Variants in COL10A1 observed in about 807,000 individuals in gnomAD.
COL10A1 encodes collagen type X alpha 1 chain, also known as collagen alpha-1(X) chain.
Under a neutral mutation model 18.2 loss-of-function variants are expected in COL10A1, and 10 were observed. The observed-to-expected ratio is 0.55, with a 90% CI of 0.34 to 0.93. The LOEUF is 0.93. COL10A1 is among the 40% of genes least tolerant of loss of function. COL10A1 has a pLI of 0.02. For missense variants in COL10A1, 897 were observed against 853.5 expected (o/e 1.05, Z -0.64); for synonymous variants, 330 against 316.6 (o/e 1.04, Z -0.45).
intron 1 of COL10A1, among the ~76,000 whole-genome samples, chr6:116,131,909 A>C (rs189535543): frequency 1.6e-4 from 24 of 152,204 alleles, no homozygotes; most frequent in African/African-American, 5.8e-4. Flanking sequence ...CCTACTTATA[A>C]GTGAGAACAT....
chr6:116,194,830 A>G, the COL10A1 span, among the ~76,000 whole-genome samples: 3 of 152,032 alleles, frequency 2.0e-5, no homozygotes, highest in African/African-American at 4.8e-5. Flanking sequence ...ATTCTTTTCT[A>G]TTATAAGACA....
chr6:116,182,222 A>AGAGTGTGTGTGTGTGTGTGT, the COL10A1 span, among the ~76,000 whole-genome samples: 600 of 124,660 alleles, frequency 4.8e-3, 6 homozygotes, highest in South Asian at 0.013. Flanking sequence ...TTCCATGGAG[A>AGAGTGTGTGTGTGTGTGTGT]GTGTGTGTGT....
Position 116,120,144 on chromosome 6 carries a change from C to T in COL10A1, c.1972G>A (p.Glu658Lys), listed in dbSNP as rs774206116. 17 of 1,613,926 alleles carry T rather than the reference C, an allele frequency of 1.1e-5. No homozygotes were observed. Among genetic ancestry groups the T allele is most frequent in the African/African-American group, 6.7e-5 (5 of 74,880 alleles). Residue 658 changes from glutamate (E) to lysine (K), a missense_variant, in exon 3 of 3, where the codon GAG (glutamate) becomes AAG (lysine). By Grantham distance (56) the Glu-to-Lys change is moderately conservative (BLOSUM62 1). Coordinates refer to ENST00000651968, the MANE Select transcript of COL10A1 (RefSeq NM_000493.4). ...TCAGAGGAGTATAGGCCATTTGACT[C>T]GGCATTGGGAAGCTGGAGCCACACC... is the stretch of plus-strand genomic sequence containing the variant. ...DQVWLQLPNA[E>K]SNGLYSSEYV...
At chr6:116,197,914 C>T in the COL10A1 span, among the ~76,000 whole-genome samples, 4 of 152,030 alleles carry the variant, frequency 2.6e-5, no homozygotes, top group Non-Finnish European at 5.9e-5. Context: ...AGGAGCTCCA[C>T]AAATAGCTTC....
At chr6:116,129,666 G>A (rs939113504), upstream of COL10A1, among the ~76,000 whole-genome samples, 2 of 152,134 alleles carry the variant, frequency 1.3e-5, no homozygotes, top group Non-Finnish European at 2.9e-5. Context: ...ACTGTGTGCC[G>A]AATAAAGCTC....
At chr6:116,164,610 C>G in the COL10A1 span, among the ~76,000 whole-genome samples, 1 of 152,048 alleles carries the variant, frequency 6.6e-6, no homozygotes, top group Non-Finnish European at 1.5e-5. Flanking sequence ...TGTTCCTTGC[C>G]TAATATTGTT....
chr6:116,156,796 G>A (rs1439049718), intron 1 of COL10A1, among the ~76,000 whole-genome samples: 1 of 152,152 alleles, frequency 6.6e-6, no homozygotes, highest in East Asian at 1.9e-4. Flanking sequence ...GAAGAAAGTA[G>A]AGATCAGATA....
the COL10A1 span, among the ~76,000 whole-genome samples, chr6:116,202,582 C>T: frequency 5.3e-5 from 8 of 152,020 alleles, no homozygotes; most frequent in Non-Finnish European, 8.8e-5. Flanking sequence ...TAATTTGATG[C>T]CTGCAAAGTT....
upstream of COL10A1, among the ~76,000 whole-genome samples, chr6:116,130,482 T>C (rs932432579): frequency 2.0e-5 from 3 of 152,056 alleles, no homozygotes; most frequent in African/African-American, 7.2e-5. Flanking sequence ...TCTAATGTTT[T>C]GTACCTTTCG....
rs759663795 is a variant in COL10A1 at position 116,121,859 on chromosome 6, C to A, written c.257G>T (p.Gly86Val). Residue 86 changes from glycine to valine, a missense_variant, in exon 3 of 3, where the codon GGA becomes GTA. By Grantham distance (109) the Gly-to-Val change is moderately radical (BLOSUM62 -3). Coordinates refer to ENST00000651968, the MANE Select transcript of COL10A1 (RefSeq NM_000493.4). ...PSGPPGKPGY[G>V]SPGLQGEPGL... The stretch of plus-strand genomic sequence containing the variant: ...TGGCTCTCCTTGGAGTCCAGGACTT[C>A]CGTAGCCTGGTTTTCCTGGTGGTCC... 7.4e-6 allele frequency: 12 copies of A among 1,614,032 alleles called. No homozygotes were observed. The South Asian group carries it at 1.3e-4, about 18-fold the overall frequency.
chr6:116,150,847 A>G (rs1169196830), intron 1 of COL10A1, among the ~76,000 whole-genome samples: 2 of 152,188 alleles, frequency 1.3e-5, no homozygotes, highest in African/African-American at 4.8e-5. Flanking sequence ...GAATTTGAGA[A>G]TGTCACATCA....
chr6:116,189,122 G>A, the COL10A1 span, among the ~76,000 whole-genome samples: 1 of 151,790 alleles, frequency 6.6e-6, no homozygotes, highest in Non-Finnish European at 1.5e-5. Flanking sequence ...GTTGAAATGA[G>A]ATGTTTAGTA....
chr6:116,197,518 G>A, the COL10A1 span, among the ~76,000 whole-genome samples: 1 of 152,006 alleles, frequency 6.6e-6, no homozygotes, highest in East Asian at 1.9e-4. Flanking sequence ...AGAACAAACA[G>A]CCAGGTACAG....
chr6:116,201,383 T>A, the COL10A1 span, among the ~76,000 whole-genome samples: 1 of 152,130 alleles, frequency 6.6e-6, no homozygotes, highest in South Asian at 2.1e-4. Flanking sequence ...TATTTGAACA[T>A]AGTTTGTTAC....
chr6:116,124,106 T>A (rs914169406), intron 2 of COL10A1, among the ~76,000 whole-genome samples: 1 of 152,260 alleles, frequency 6.6e-6, no homozygotes, highest in Non-Finnish European at 1.5e-5. Flanking sequence ...AAGTATCTGT[T>A]GTATACCTGT....
the COL10A1 span, among the ~76,000 whole-genome samples, chr6:116,214,827 A>G: frequency 2.0e-4 from 31 of 152,212 alleles, 1 homozygote; most frequent in East Asian, 2.7e-3. Context: ...TAATAAAAAA[A>G]AAAAGAGTTA....
the COL10A1 span, among the ~76,000 whole-genome samples, chr6:116,167,986 A>G: frequency 5.9e-5 from 9 of 151,972 alleles, no homozygotes; most frequent in Non-Finnish European, 7.4e-5. Flanking sequence ...TTCAGTTATC[A>G]GTATAATTGT....
rs906125772 is a variant in COL10A1 at position 116,121,376 on chromosome 6, C to A, written c.740G>T (p.Gly247Val). The A allele has an allele frequency of 6.2e-7, 1 of 1,614,108 alleles. No individual in the cohort carries two copies. Among genetic ancestry groups the A allele is most frequent in the Non-Finnish European group, 8.5e-7 (1 of 1,179,996 alleles). The change falls in exon 3 of 3, where the codon GGC becomes GTC. Residue 247 changes from glycine (G) to valine (V), a missense_variant. Coordinates refer to ENST00000651968, the MANE Select transcript of COL10A1 (RefSeq NM_000493.4). Reference sequence around the variant, plus strand: ...AGGAGGGCCTTGGGGACCTGGTGGGCCAATTGGTCCCATTTCTCCCGGAAA... The same window carrying A: ...AGGAGGGCCTTGGGGACCTGGTGGGACAATTGGTCCCATTTCTCCCGGAAA... The part of the protein sequence containing the change: ...RGFPGEMGPI[G>V]PPGPQGPPGE...
In COL10A1 at chr6:116,120,064, T is replaced by TGG. The variant is rs200192272; in HGVS notation, c.*8_*9insCC. On this transcript the variant is annotated 3_prime_UTR_variant, in exon 3 of 3. Transcript: ENST00000651968. ...TCTAGCACAAGATTTAGATTAGCTC[T>TGG]GTGTGTACTCACATTGGAGCCACTA... 1.9e-6 allele frequency: 2 copies of TGG among 1,041,940 alleles called. No individual in the cohort carries two copies. The highest frequency in any genetic ancestry group is 1.3e-6 in the Non-Finnish European group (1 of 770,904). The allele number at this position is 1,041,940 out of a possible 1,614,324, so 64.5% of individuals were successfully genotyped here. A position where few individuals can be genotyped will look rare whatever the true frequency, so the allele number is the denominator to read the frequency against.
Sources: allele counts gnomAD v4.1 joint callset (sites outside exome capture counted in the v4.1 genomes callset), GRCh38; gene constraint gnomAD v4.1.1; transcripts MANE v1.5; gene names NCBI Gene and HGNC (gene_info 2026-07-23, HGNC 2026-07-21).